Variants in RUNX1T1 observed in about 807,000 individuals in gnomAD.
RUNX1T1 encodes protein CBFA2T1.
A neutral mutation model predicts 62.8 loss-of-function variants in RUNX1T1; 4 were observed. That is an observed-to-expected ratio of 0.06 (90% CI 0.03 to 0.15). The LOEUF is 0.15. Among genes scored for constraint, RUNX1T1 ranks in the 10% least tolerant of loss-of-function variants. The probability of loss-of-function intolerance (pLI) is 1.00; values close to 1 mark genes in which losing one functional copy is unlikely to be tolerated. For missense variants in RUNX1T1, 508 were observed against 754.3 expected, an observed-to-expected ratio of 0.67 and a Z score of 3.82; for synonymous variants, 291 against 286.0, an observed-to-expected ratio of 1.02 and a Z score of -0.18.
At chr8:92,097,693 T>C (rs1837848891) in intron 1 of RUNX1T1, among the ~76,000 whole-genome samples, 1 of 152,226 alleles carries the variant, frequency 6.6e-6, no homozygotes, top group African/African-American at 2.4e-5. Context: ...TCCCAAATAC[T>C]AGAGGCATAA....
At chr8:92,088,147 T>A (rs1425941820) in intron 1 of RUNX1T1, among the ~76,000 whole-genome samples, 1 of 152,154 alleles carries the variant, frequency 6.6e-6, no homozygotes, top group African/African-American at 2.4e-5. Context: ...ATGATAAAAG[T>A]TACAAAAGTT....
At chr8:91,975,626 C>T (rs1813752603) in intron 9 of RUNX1T1, among the ~76,000 whole-genome samples, 1 of 151,546 alleles carries the variant, frequency 6.6e-6, no homozygotes, top group South Asian at 2.1e-4. Flanking sequence ...TCATTATGGC[C>T]CTGAAAAAAA....
intron 1 of RUNX1T1, chr8:92,062,440 C>A (rs1327514277): frequency 1.6e-6 from 2 of 1,254,588 alleles, no homozygotes; most frequent in South Asian, 2.4e-5. Context: ...TTCCTGCCCA[C>A]ATCAGATACA....
chr8:92,035,496 A>T (rs1156983230), intron 1 of RUNX1T1, among the ~76,000 whole-genome samples: 1 of 146,634 alleles, frequency 6.8e-6, no homozygotes, highest in Non-Finnish European at 1.5e-5. Flanking sequence ...CTAAATACAT[A>T]AAAAAAAATT....
At chr8:92,027,681 G>T (rs997037714) in intron 1 of RUNX1T1, among the ~76,000 whole-genome samples, 5 of 152,112 alleles carry the variant, frequency 3.3e-5, no homozygotes, top group African/African-American at 1.2e-4. Flanking sequence ...ACAGTCCTGG[G>T]ATGAGCCAGT....
Position 92,011,352 on chromosome 8 carries a change from T to C in RUNX1T1, c.388-261A>G, listed in dbSNP as rs143130709. On this transcript the variant is annotated intron_variant, in intron 3 of 10. Transcript: ENST00000396218. ...AGGATAATGTGCATGATCACTAGCA[T>C]GGTTTAATTATCAGAGAAGTCTTTG... Among the ~76,000 whole-genome samples the C allele has an allele frequency of 7.9e-3, 1,201 of 152,324 alleles. 10 individuals carry two copies. Among genetic ancestry groups the C allele is most frequent in the African/African-American group, 0.026 (1,100 of 41,566 alleles).
At chr8:92,030,586 C>A (rs752759835) in intron 1 of RUNX1T1, among the ~76,000 whole-genome samples, 1 of 152,224 alleles carries the variant, frequency 6.6e-6, no homozygotes, top group Non-Finnish European at 1.5e-5. Flanking sequence ...CTCATTCCCA[C>A]TGCAATGGGG....
At chr8:92,096,725 T>C (rs1837777502) in intron 1 of RUNX1T1, among the ~76,000 whole-genome samples, 1 of 152,040 alleles carries the variant, frequency 6.6e-6, no homozygotes, top group South Asian at 2.1e-4. Flanking sequence ...CTAGCTGCTG[T>C]GAAACTTCAG....
chr8:92,068,925 C>A (rs142224011), intron 2 of RUNX1T1, among the ~76,000 whole-genome samples: 31 of 152,202 alleles, frequency 2.0e-4, no homozygotes, highest in African/African-American at 7.0e-4. Flanking sequence ...TGATTATATT[C>A]ATTATTTTGG....
Position 92,014,537 on chromosome 8 carries a change from T to C in RUNX1T1, c.387+42A>G, listed in dbSNP as rs375797216. On this transcript the variant is annotated intron_variant, in intron 3 of 10. Coordinates refer to ENST00000396218, the Ensembl canonical transcript of RUNX1T1. ...ATGTCTGAGTCTCCCACCCACACTATCCCTTACACCAAGAAAACTGGGTTG... is the reference window on the plus strand; with the variant it reads ...ATGTCTGAGTCTCCCACCCACACTACCCCTTACACCAAGAAAACTGGGTTG... 4 of 1,544,534 alleles carry C rather than the reference T, an allele frequency of 2.6e-6. No homozygotes were observed. The African/African-American group carries it at 5.5e-5, about 21-fold the overall frequency.
At chr8:91,987,033 C>G in intron 6 of RUNX1T1, 61 bp from the exon 8 acceptor site, 1 of 1,087,086 alleles carries the variant, frequency 9.2e-7, no homozygotes, top group Non-Finnish European at 1.4e-6. Context: ...CATAAACACA[C>G]AGACTCATAG....
chr8:91,967,314 G>A (rs1347664058), intron 10 of RUNX1T1, among the ~76,000 whole-genome samples: 1 of 152,108 alleles, frequency 6.6e-6, no homozygotes, highest in Admixed American at 6.6e-5. Context: ...GTCTGTCTAA[G>A]CAAGAGCAGT....
At chr8:92,010,949 C>T (rs1480600234) in intron 4 of RUNX1T1, 53 bp downstream of exon 5, 2 of 1,009,458 alleles carry the variant, frequency 2.0e-6, no homozygotes, top group Non-Finnish European at 3.2e-6. Context: ...ACAGTTATGA[C>T]CTAGCAACAA....
chr8:92,069,027 A>T (rs1455452373), intron 2 of RUNX1T1, among the ~76,000 whole-genome samples: 1 of 152,168 alleles, frequency 6.6e-6, no homozygotes, highest in African/African-American at 2.4e-5. Flanking sequence ...AACATTCCAG[A>T]TATCTTTAAA....
intron 10 of RUNX1T1, among the ~76,000 whole-genome samples, chr8:91,965,603 C>CA (rs1811416555): frequency 6.6e-6 from 1 of 152,120 alleles, no homozygotes; most frequent in Non-Finnish European, 1.5e-5. Context: ...TAGGTACCTC[C>CA]ACCAGGATGC....
chr8:92,095,126 C>T, intron 1 of RUNX1T1: 1 of 1,535,624 alleles, frequency 6.5e-7, no homozygotes, highest in South Asian at 1.2e-5. Flanking sequence ...AGGCAGATTT[C>T]TCTTTCTCAC....
At chr8:92,025,643 G>A (rs1454605100) in intron 1 of RUNX1T1, among the ~76,000 whole-genome samples, 2 of 152,184 alleles carry the variant, frequency 1.3e-5, no homozygotes, top group African/African-American at 4.8e-5. Flanking sequence ...CTGCAGCACT[G>A]ATCACACAGT....
At chr8:92,028,351 T>C (rs957781336) in intron 1 of RUNX1T1, among the ~76,000 whole-genome samples, 3 of 152,154 alleles carry the variant, frequency 2.0e-5, no homozygotes, top group African/African-American at 7.2e-5. Flanking sequence ...GTCATTGGAA[T>C]ACTGGTGGAT....
chr8:91,988,170 T>A (rs756967081), intron 6 of RUNX1T1, among the ~76,000 whole-genome samples: 86 of 152,048 alleles, frequency 5.7e-4, no homozygotes, highest in Non-Finnish European at 7.5e-4. Context: ...TAAAGATGAG[T>A]CACATGACTG....
Sources: gnomAD v4.1 joint callset for allele counts (sites outside exome capture counted in the v4.1 genomes callset) on GRCh38, gnomAD v4.1.1 for gene constraint, MANE v1.5 for transcripts, NCBI Gene and HGNC (gene_info 2026-07-23, HGNC 2026-07-21) for gene names.